The following CSDC2 variants were observed in gnomAD, a reference collection of about 807,000 sequenced individuals.
CSDC2 encodes the protein cold shock domain-containing protein C2.
Under a neutral mutation model 15.8 loss-of-function variants are expected in CSDC2, and 8 were observed. The observed-to-expected ratio is 0.51, with a 90% confidence interval of 0.30 to 0.92. The LOEUF (loss-of-function observed/expected upper bound fraction) is 0.92, where lower values mean the gene tolerates loss of function less well. CSDC2 is among the 40% of genes least tolerant of loss of function. The pLI is 0.07. For synonymous variants in CSDC2, 96 were observed against 92.3 expected, an observed-to-expected ratio of 1.04 and a Z score of -0.23; for missense variants, 195 against 213.3, an observed-to-expected ratio of 0.91 and a Z score of 0.53.
At chr22:41,569,971 G>C (rs2067136938) in intron 1 of CSDC2, among the ~76,000 whole-genome samples, 1 of 151,690 alleles carries the variant, frequency 6.6e-6, no homozygotes, top group African/African-American at 2.4e-5. Context: ...GGAGAGACGG[G>C]GTTTCACCAT....
intron 1 of CSDC2, among the ~76,000 whole-genome samples, chr22:41,570,993 A>AC (rs1276951032): frequency 2.0e-5 from 3 of 151,584 alleles, no homozygotes; most frequent in Non-Finnish European, 2.9e-5. Context: ...AAAAAAAAAA[A>AC]AAAAAACAAA....
chr22:41,561,374 G>A (rs1337604045), intron 1 of CSDC2, among the ~76,000 whole-genome samples, 191 bp downstream of exon 1: 2 of 152,226 alleles, frequency 1.3e-5, no homozygotes, highest in African/African-American at 4.8e-5. Context: ...CCCAAATGAG[G>A]TGAGGCCGTG....
chr22:41,561,080 AC>A lies in CSDC2; in HGVS notation c.-226del, dbSNP rs141129549. On this transcript the variant is annotated 5_prime_UTR_variant, in exon 1 of 4. Coordinates refer to ENST00000306149, the MANE Select transcript of CSDC2 (RefSeq NM_014460.4). The stretch of plus-strand genomic sequence containing the variant: ...CACACACACACACACACACACACAC[AC>A]ATCTTCCAGACCCATCCCCTGCCTG... 6,307 of 67,262 alleles carry A rather than the reference AC, an allele frequency of 0.094. 473 individuals carry two copies. Among genetic ancestry groups the A allele is most frequent in the East Asian group, 0.47 (1,810 of 3,872 alleles). 4.2% of individuals were successfully genotyped at this position (67,262 alleles called of 1,614,324 possible).
chr22:41,573,057 T>G (rs1290845662), intron 2 of CSDC2, among the ~76,000 whole-genome samples: 1 of 151,994 alleles, frequency 6.6e-6, no homozygotes, highest in East Asian at 1.9e-4. Context: ...TTTAAAAAAA[T>G]GTTTGGGCCA....
At chr22:41,568,477 C>A (rs1411461927) in intron 1 of CSDC2, among the ~76,000 whole-genome samples, 1 of 152,200 alleles carries the variant, frequency 6.6e-6, no homozygotes, top group African/African-American at 2.4e-5. Flanking sequence ...TAGACACAAG[C>A]TTTCACCATG....
chr22:41,573,258 G>A (rs547898820), intron 2 of CSDC2, among the ~76,000 whole-genome samples: 8 of 152,098 alleles, frequency 5.3e-5, no homozygotes, highest in Non-Finnish European at 1.2e-4. Flanking sequence ...AGGAGGCTGA[G>A]GCATGAGAAT....
At chr22:41,562,600 C>G (rs2067092991) in intron 1 of CSDC2, among the ~76,000 whole-genome samples, 1 of 152,050 alleles carries the variant, frequency 6.6e-6, no homozygotes, top group Admixed American at 6.5e-5. Context: ...GAGGGGACAC[C>G]TGCCAGCCAG....
chr22:41,569,903 C>T (rs906913862), intron 1 of CSDC2, among the ~76,000 whole-genome samples: 1 of 150,640 alleles, frequency 6.6e-6, no homozygotes, highest in African/African-American at 2.4e-5. Flanking sequence ...CCTCAGCCTT[C>T]TGAGTAGCTG....
chr22:41,574,632 C>T (rs1354372059), intron 3 of CSDC2, 101 bp from the exon 4 acceptor site: 1 of 1,421,900 alleles, frequency 7.0e-7, no homozygotes, highest in Non-Finnish European at 9.5e-7. Flanking sequence ...GCCTCCTGGC[C>T]TAGGGAGGCT....
chr22:41,561,045 G>GACACACACAGAC lies in CSDC2; in HGVS notation c.-253_-252insGACACACACACA, dbSNP rs1555895777. ...GGTACCGCCCGCGCGAGCACACACA[G>GACACACACAGAC]ACACACACACACACACACACACACA... On this transcript the variant is annotated 5_prime_UTR_variant, in exon 1 of 4. Transcript: ENST00000306149. 19 of 132,060 alleles carry GACACACACAGAC rather than the reference G, an allele frequency of 1.4e-4. No individual in the cohort carries two copies. The South Asian group carries it at 1.5e-3, about 10-fold the overall frequency. The allele number at this position is 132,060 out of a possible 1,614,324, so 8.2% of individuals were successfully genotyped here.
chr22:41,563,842 C>T (rs1465518501), intron 1 of CSDC2, among the ~76,000 whole-genome samples: 1 of 151,094 alleles, frequency 6.6e-6, no homozygotes, highest in Non-Finnish European at 1.5e-5. Flanking sequence ...GAGGCTGAGG[C>T]GGGCGGATCA....
rs771317041 is a variant in CSDC2, at chr22:41,573,792, C to A, written c.299+15C>A. On this transcript the variant is annotated intron_variant, in intron 3 of 3. Coordinates refer to ENST00000306149, the MANE Select transcript of CSDC2 (RefSeq NM_014460.4). Reference sequence around the variant, plus strand: ...CATGTGTCTGAGTGAGTCCCCTCCACCTCCCTGTTCTTGGCCCCTGCCCTA... The same window carrying A: ...CATGTGTCTGAGTGAGTCCCCTCCAACTCCCTGTTCTTGGCCCCTGCCCTA... 4 of 1,607,026 alleles carry A rather than the reference C, an allele frequency of 2.5e-6. No homozygotes were observed. Among genetic ancestry groups the A allele is most frequent in the Admixed American group, 1.7e-5 (1 of 59,420 alleles).
chr22:41,562,042 G>A lies in CSDC2; in HGVS notation c.-124+859G>A, dbSNP rs937539677. 3.3e-5 allele frequency among the ~76,000 whole-genome samples: 5 copies of A among 152,324 alleles called. 1 individual carries two copies. The South Asian group carries it at 1.0e-3, about 32-fold the overall frequency. On this transcript the variant is annotated intron_variant, in intron 1 of 3. Coordinates refer to ENST00000306149, the MANE Select transcript of CSDC2 (RefSeq NM_014460.4). ...CCTGCAGGCTCTTCCCAGGGAGAGGGGAGGGGGACACAGAGCGAGAACAAT... is the reference window on the plus strand; with the variant it reads ...CCTGCAGGCTCTTCCCAGGGAGAGGAGAGGGGGACACAGAGCGAGAACAAT...
intron 1 of CSDC2, among the ~76,000 whole-genome samples, chr22:41,565,602 A>G (rs935073466): frequency 1.3e-5 from 2 of 152,118 alleles, no homozygotes; most frequent in Non-Finnish European, 2.9e-5. Flanking sequence ...TCAAAAAATT[A>G]AAAAGTAAGA....
chr22:41,573,071 A>C (rs1425373962), intron 2 of CSDC2, among the ~76,000 whole-genome samples: 1 of 152,138 alleles, frequency 6.6e-6, no homozygotes, highest in Non-Finnish European at 1.5e-5. Context: ...TGGGCCAGAC[A>C]TGGTGGCTCA....
chr22:41,570,821 CA>C (rs34010467), intron 1 of CSDC2, among the ~76,000 whole-genome samples: 7,942 of 89,698 alleles, frequency 0.089, 582 homozygotes, highest in African/African-American at 0.26. Flanking sequence ...GACTCTGTCT[CA>C]AAAAAAAAAA....
At position 41,574,986 on chromosome 22, in the gene CSDC2, T is replaced by G. The variant is rs2067167768; in HGVS notation, c.*91T>G. 1.4e-6 allele frequency: 2 copies of G among 1,426,230 alleles called. No homozygotes were observed. The highest frequency in any genetic ancestry group is 5.0e-5 in the East Asian group (2 of 40,152). The allele number at this position is 1,426,230 out of a possible 1,614,324, so 88.3% of individuals were successfully genotyped here. On this transcript the variant is annotated 3_prime_UTR_variant, in exon 4 of 4. Coordinates refer to ENST00000306149, the MANE Select transcript of CSDC2 (RefSeq NM_014460.4). ...CGGCTCCATGCCCCACTGCCCTGGC[T>G]GATGAGTCCTTCGGTGGCCTCAGTG... is the stretch of plus-strand genomic sequence containing the variant.
At chr22:41,574,206 C>G (rs2067162955) in intron 3 of CSDC2, among the ~76,000 whole-genome samples, 1 of 152,242 alleles carries the variant, frequency 6.6e-6, no homozygotes, top group Non-Finnish European at 1.5e-5. Flanking sequence ...CGTGCCCTTT[C>G]ACATCTCGGT....
chr22:41,564,146 T>TTCTTATGA (rs2067101671), intron 1 of CSDC2, among the ~76,000 whole-genome samples: 1 of 150,340 alleles, frequency 6.7e-6, no homozygotes, highest in South Asian at 2.1e-4. Flanking sequence ...CTGCATCGGG[T>TTCTTATGA]TCTTATGAGT....
Sources: gnomAD v4.1 joint callset for allele counts (sites outside exome capture counted in the v4.1 genomes callset) on GRCh38, gnomAD v4.1.1 for gene constraint, MANE v1.5 for transcripts, NCBI Gene and HGNC (gene_info 2026-07-23, HGNC 2026-07-21) for gene names.